The following DDX42 variants were observed in gnomAD, a reference collection of about 807,000 sequenced individuals.
DDX42 encodes ATP-dependent RNA helicase DDX42.
Under a neutral mutation model 101.5 loss-of-function variants are expected in DDX42, and 22 were observed. The observed-to-expected ratio is 0.22, with a 90% CI of 0.15 to 0.31. The LOEUF (loss-of-function observed/expected upper bound fraction) is 0.31. DDX42 is among the 10% of genes least tolerant of loss of function. The probability of loss-of-function intolerance (pLI) is 1.00; values close to 1 mark genes in which losing one functional copy is unlikely to be tolerated. For synonymous variants in DDX42, 402 were observed against 401.2 expected (o/e 1.00, Z -0.02); for missense variants, 849 against 1,199.9 (o/e 0.71, Z 4.32).
At chr17:63,787,682 C>T (rs566205297) in intron 2 of DDX42, among the ~76,000 whole-genome samples, 12 of 151,984 alleles carry the variant, frequency 7.9e-5, no homozygotes, top group African/African-American at 2.2e-4. Flanking sequence ...ACTAAAAATA[C>T]AAAACATTAG....
At chr17:63,817,512 T>A (rs2039990898) in intron 17 of DDX42, 182 bp from the exon 18 acceptor site, 3 of 599,816 alleles carry the variant, frequency 5.0e-6, no homozygotes, top group Admixed American at 6.0e-5. Flanking sequence ...TCCACAGAGA[T>A]CCACAAGTTT....
Position 63,818,059 on chromosome 17 carries a change from T to C in DDX42, c.2478T>C (p.Asn826=). 1 of 1,613,558 alleles carries C rather than the reference T, an allele frequency of 6.2e-7. No individual in the cohort carries two copies. Among genetic ancestry groups the C allele is most frequent in the Non-Finnish European group, 8.5e-7 (1 of 1,179,904 alleles). Residue 826 remains asparagine (N), a synonymous_variant, in exon 18 of 18, where the codon AAT becomes AAC. Transcript: ENST00000389924. ...GTCACAGTCACGGAGAGACTGGCAA[T>C]CGGCATAGCGATAGTCCACGTCACG... ...SSRHSHGETG[N]RHSDSPRHGD...
intron 6 of DDX42, among the ~76,000 whole-genome samples, chr17:63,804,303 A>G (rs1306111336): frequency 1.3e-5 from 2 of 152,150 alleles, no homozygotes; most frequent in African/African-American, 4.8e-5. Context: ...GTTTATAAAA[A>G]ATAATTTAGC....
chr17:63,792,608 G>T, intron 3 of DDX42, 46 bp downstream of exon 3: 1 of 1,551,580 alleles, frequency 6.4e-7, no homozygotes, highest in South Asian at 1.2e-5. Context: ...GTTAGAAATA[G>T]ATCAAGTTAA....
chr17:63,802,485 C>G (rs576655689), intron 6 of DDX42, among the ~76,000 whole-genome samples: 1 of 152,188 alleles, frequency 6.6e-6, no homozygotes, highest in African/African-American at 2.4e-5. Flanking sequence ...TTCAAGCTTT[C>G]GGCCAGACGC....
chr17:63,817,799 G>A lies in DDX42; in HGVS notation c.2218G>A (p.Val740Ile), dbSNP rs1162947341. The A allele has an allele frequency of 6.8e-6, 11 of 1,614,056 alleles. No homozygotes were observed. The highest frequency in any genetic ancestry group is 8.5e-6 in the Non-Finnish European group (10 of 1,180,036). ...GWTSAGSLNS[V>I]PTNSAQQGHN... ...GACTAGTGCAGGGAGCTTGAATTCT[G>A]TTCCAACTAACTCAGCACAACAGGG... is the stretch of plus-strand genomic sequence containing the variant. The change falls in exon 18 of 18, where the codon GTT becomes ATT. Residue 740 changes from valine (V) to isoleucine (I), a missense_variant. By Grantham distance (29) the Val-to-Ile change is conservative. Around this residue, in one of 5 missense-constraint regions of DDX42, gnomAD observed 300 missense variants for 304.9 expected, o/e 0.98. Coordinates refer to ENST00000389924, the MANE Select transcript of DDX42 (RefSeq NM_203499.3).
rs2144585621 is a variant in DDX42, at chr17:63,812,226, C to A, written c.1675+18C>A. The A allele has an allele frequency of 3.1e-6, 5 of 1,604,872 alleles. No homozygotes were observed. Among genetic ancestry groups the A allele is most frequent in the Non-Finnish European group, 3.4e-6 (4 of 1,175,020 alleles). On this transcript the variant is annotated intron_variant, in intron 14 of 17. Transcript: ENST00000389924. ...TGTTGCAGGTAGAGTATGAATTTTTCAACAACATTAAGTTCCTAGGCTATA... is the reference window on the plus strand; with the variant it reads ...TGTTGCAGGTAGAGTATGAATTTTTAAACAACATTAAGTTCCTAGGCTATA...
At chr17:63,811,847 C>A in intron 13 of DDX42, 85 bp from the exon 14 acceptor site, 1 of 1,484,122 alleles carries the variant, frequency 6.7e-7, no homozygotes, top group Non-Finnish European at 9.0e-7. Flanking sequence ...CTTCTCGATG[C>A]AGGTAGAAAT....
At chr17:63,798,945 T>TAGGCAGA (rs569502398) in intron 4 of DDX42, among the ~76,000 whole-genome samples, 1,661 of 152,304 alleles carry the variant, frequency 0.011, 15 homozygotes, top group Middle Eastern at 0.017. Flanking sequence ...CGCTCTAGGT[T>TAGGCAGA]AGGCAGAAAG....
intron 11 of DDX42, 47 bp from the exon 12 acceptor site, chr17:63,810,466 A>G (rs979456048): frequency 6.3e-7 from 1 of 1,597,644 alleles, no homozygotes; most frequent in Non-Finnish European, 8.6e-7. Flanking sequence ...CAGGCTTCCC[A>G]AACTGTATTT....
At chr17:63,813,511 C>A (rs2039938011) in intron 15 of DDX42, 57 bp downstream of exon 15, 3 of 1,502,764 alleles carry the variant, frequency 2.0e-6, no homozygotes, top group Non-Finnish European at 2.8e-6. Context: ...GACATTTTAG[C>A]AGTCCTGGAA....
rs1567748369 is a variant in DDX42 at position 63,817,763 on chromosome 17, G to C, written c.2182G>C (p.Ala728Pro). ...GAAGGCTGGAAGTTCTGCTGCTGGG[G>C]CAAGTGGGTGGACTAGTGCAGGGAG... ...NQKAGSSAAG[A>P]SGWTSAGSLN... is the part of the protein sequence containing the mutation. Residue 728 changes from alanine to proline, a missense_variant, in exon 18 of 18, where the codon GCA becomes CCA. Physicochemically the swap from Ala to Pro is conservative, Grantham distance 27 (BLOSUM62 -1). This residue lies in a region of DDX42 where 300 missense variants were observed against 304.9 expected (regional missense o/e 0.98). Coordinates refer to ENST00000389924, the MANE Select transcript of DDX42 (RefSeq NM_203499.3). 6.2e-7 allele frequency: 1 copy of C among 1,614,194 alleles called. No individual in the cohort carries two copies. Among genetic ancestry groups the C allele is most frequent in the Non-Finnish European group, 8.5e-7 (1 of 1,180,038 alleles).
intron 8 of DDX42, among the ~76,000 whole-genome samples, chr17:63,807,010 T>C (rs550402493): frequency 6.6e-6 from 1 of 152,364 alleles, no homozygotes; most frequent in Admixed American, 6.5e-5. Context: ...ATATATGGGA[T>C]TTATTTATTC....
In DDX42 at chr17:63,817,749, G is replaced by T; in HGVS notation, c.2168G>T (p.Ser723Ile). ...AGTTTAAGTAATCAGAAGGCTGGAA[G>T]TTCTGCTGCTGGGGCAAGTGGGTGG... ...AASLSNQKAG[S>I]SAAGASGWTS... is the part of the protein sequence containing the mutation. The change falls in exon 18 of 18, where the codon AGT becomes ATT. Residue 723 changes from serine (S) to isoleucine (I), a missense_variant. Ser to Ile is a moderately radical substitution (Grantham distance 142). Transcript: ENST00000389924. 2.5e-6 allele frequency: 4 copies of T among 1,614,250 alleles called. No individual in the cohort carries two copies. The highest frequency in any genetic ancestry group is 3.4e-6 in the Non-Finnish European group (4 of 1,180,046).
intron 1 of DDX42, chr17:63,774,771 C>T (rs1486321350): frequency 3.3e-5 from 5 of 152,212 alleles, no homozygotes; most frequent in African/African-American, 1.2e-4. Flanking sequence ...TCCTGAGAGG[C>T]AAAAGCTGCC....
At chr17:63,812,280 T>G in intron 14 of DDX42, 72 bp downstream of exon 14, 1 of 1,513,974 alleles carries the variant, frequency 6.6e-7, no homozygotes. Context: ...ACATAAGACC[T>G]ATAATATCTG....
Position 63,813,204 on chromosome 17 carries a change from G to T in DDX42, c.1676-24G>T, listed in dbSNP as rs1244935261. On this transcript the variant is annotated intron_variant, in intron 14 of 17. Transcript: ENST00000389924. The stretch of plus-strand genomic sequence containing the variant: ...TTCTGACTACAGATGAAGAATAAAA[G>T]AATTTGGTTGCTTTTTATTTCAGCC... 4 of 1,571,466 alleles carry T rather than the reference G, an allele frequency of 2.5e-6. No homozygotes were observed. In the Admixed American group the frequency reaches 5.4e-5, roughly 21 times the overall value.
chr17:63,801,312 C>T (rs746519302), intron 6 of DDX42, among the ~76,000 whole-genome samples: 2 of 152,024 alleles, frequency 1.3e-5, no homozygotes, highest in Non-Finnish European at 2.9e-5. Context: ...GCCTCGGCCT[C>T]CCAAAGCGCT....
At chr17:63,789,139 C>T (rs371736016) in intron 2 of DDX42, among the ~76,000 whole-genome samples, 4 of 151,910 alleles carry the variant, frequency 2.6e-5, no homozygotes, top group African/African-American at 7.3e-5. Flanking sequence ...AGTGCAGTGG[C>T]GTGATCTAGG....
Sources: allele counts gnomAD v4.1 joint callset (sites outside exome capture counted in the v4.1 genomes callset), GRCh38; gene constraint gnomAD v4.1.1; regional missense constraint gnomAD v4.1.1; transcripts MANE v1.5; gene names NCBI Gene and HGNC (gene_info 2026-07-23, HGNC 2026-07-21).